The following RABGAP1L variants were observed in gnomAD, a reference collection of about 807,000 sequenced individuals.
RABGAP1L encodes rab GTPase-activating protein 1-like.
In RABGAP1L, 63 loss-of-function variants were observed where a neutral mutation model predicts 137.7. The ratio of observed to expected loss-of-function variants is 0.46; its 90% CI spans 0.37 to 0.56. The LOEUF is 0.56. RABGAP1L is among the 20% of genes least tolerant of loss of function. RABGAP1L has a pLI of 0.00. For missense variants in RABGAP1L, 1,095 were observed against 1,244.0 expected (o/e 0.88, Z 1.80); for synonymous variants, 431 against 433.7 (o/e 0.99, Z 0.08).
chr1:174,426,238 C>G (rs1651936580), intron 13 of RABGAP1L, among the ~76,000 whole-genome samples: 1 of 152,024 alleles, frequency 6.6e-6, no homozygotes, highest in Non-Finnish European at 1.5e-5. Flanking sequence ...TGACATTCAG[C>G]TTGGGCGGTA....
chr1:174,284,136 A>C (rs1448560573), intron 10 of RABGAP1L, among the ~76,000 whole-genome samples: 3 of 152,126 alleles, frequency 2.0e-5, no homozygotes, highest in Non-Finnish European at 4.4e-5. Context: ...CTTAAGATCT[A>C]CTACTGTCTT....
At chr1:174,907,355 C>A (rs374078802) in intron 19 of RABGAP1L, among the ~76,000 whole-genome samples, 1 of 152,106 alleles carries the variant, frequency 6.6e-6, no homozygotes, top group Non-Finnish European at 1.5e-5. Context: ...ATCTGTCACC[C>A]AGACTGGACT....
At chr1:174,679,206 C>A (rs1471933652) in intron 14 of RABGAP1L, among the ~76,000 whole-genome samples, 1 of 152,122 alleles carries the variant, frequency 6.6e-6, no homozygotes, top group African/African-American at 2.4e-5. Flanking sequence ...CTCTTTACTA[C>A]CTGATTGGTC....
chr1:174,174,093 T>G (rs1006365500), intron 1 of RABGAP1L, among the ~76,000 whole-genome samples: 5 of 151,850 alleles, frequency 3.3e-5, no homozygotes, highest in African/African-American at 1.2e-4. Flanking sequence ...TGTAGTAGAT[T>G]AAGGAGGAAT....
intron 14 of RABGAP1L, among the ~76,000 whole-genome samples, chr1:174,676,749 A>G (rs1677658059): frequency 1.3e-5 from 2 of 152,200 alleles, no homozygotes; most frequent in South Asian, 4.1e-4. Flanking sequence ...TGGTTTGATT[A>G]ATTGAACTGG....
In RABGAP1L at chr1:174,448,598, A is replaced by T. The variant is rs757604598; in HGVS notation, c.1710+54453A>T. 1 of 1,613,952 alleles carries T rather than the reference A, an allele frequency of 6.2e-7. No homozygotes were observed. The highest frequency in any genetic ancestry group is 1.1e-5 in the South Asian group (1 of 91,068). On this transcript the variant is annotated intron_variant, in intron 13 of 25. Transcript: ENST00000681986. This position sits in a 1 kb window ranked among gnomAD's most constrained non-coding sequence, Gnocchi z 4.2. Reference sequence around the variant, plus strand: ...CCCTTGTCGCTTGAGAATTTGCATTATTTTGATCTGGATCTACTCCTGCCT... The same window carrying T: ...CCCTTGTCGCTTGAGAATTTGCATTTTTTTGATCTGGATCTACTCCTGCCT...
rs185542627 is a variant in RABGAP1L, at chr1:174,622,620, C to T, written c.1711-14755C>T. On this transcript the variant is annotated intron_variant, in intron 13 of 25. Coordinates refer to ENST00000681986, the MANE Select transcript of RABGAP1L (RefSeq NM_001366446.1). ...GTCACAAGGACAGAAAACCAAACAC[C>T]GCATGTTCTCACTCATAGGTGGGAA... 9.3e-4 allele frequency among the ~76,000 whole-genome samples: 141 copies of T among 152,226 alleles called. 1 individual carries two copies. Among genetic ancestry groups the T allele is most frequent in the Admixed American group, 8.1e-3 (124 of 15,294 alleles).
intron 18 of RABGAP1L, among the ~76,000 whole-genome samples, chr1:174,756,656 A>T (rs1813136): frequency 2.0e-5 from 3 of 151,986 alleles, no homozygotes; most frequent in African/African-American, 4.8e-5. Flanking sequence ...GGAAAAAGGA[A>T]GGCGGAGGCA....
chr1:174,614,468 C>A (rs1671593164), intron 13 of RABGAP1L, among the ~76,000 whole-genome samples: 1 of 152,176 alleles, frequency 6.6e-6, no homozygotes, highest in Non-Finnish European at 1.5e-5. Flanking sequence ...GATGGGCTTC[C>A]CTTTGTGGGT....
intron 13 of RABGAP1L, among the ~76,000 whole-genome samples, chr1:174,511,154 A>G (rs1662294618): frequency 6.6e-6 from 1 of 152,216 alleles, no homozygotes; most frequent in East Asian, 1.9e-4. Flanking sequence ...ACATAGCTTC[A>G]GTTATGTGGA....
chr1:174,722,781 A>T (rs1681675413), intron 17 of RABGAP1L, among the ~76,000 whole-genome samples: 1 of 152,030 alleles, frequency 6.6e-6, no homozygotes, highest in Non-Finnish European at 1.5e-5. Flanking sequence ...GTAGTGATAA[A>T]TGGCTAGCAA....
At chr1:174,890,584 A>G (rs1418623852) in intron 19 of RABGAP1L, among the ~76,000 whole-genome samples, 7 of 152,232 alleles carry the variant, frequency 4.6e-5, no homozygotes, top group African/African-American at 1.7e-4. Flanking sequence ...CAGAATTTCA[A>G]CAAATATGAA....
chr1:174,406,359 T>C (rs1649281180), intron 13 of RABGAP1L, among the ~76,000 whole-genome samples: 1 of 152,220 alleles, frequency 6.6e-6, no homozygotes, highest in African/African-American at 2.4e-5. Flanking sequence ...ATGTGTTTAA[T>C]AGTTTTGAGG....
intron 19 of RABGAP1L, among the ~76,000 whole-genome samples, chr1:174,835,205 G>A (rs555636444): frequency 6.6e-6 from 1 of 152,256 alleles, no homozygotes; most frequent in African/African-American, 2.4e-5. Flanking sequence ...TTTCTGAGCT[G>A]AGGAAGTCAG....
At chr1:174,403,921 A>T (rs1157194844) in intron 13 of RABGAP1L, among the ~76,000 whole-genome samples, 1 of 152,072 alleles carries the variant, frequency 6.6e-6, no homozygotes, top group Non-Finnish European at 1.5e-5. Flanking sequence ...AGTAAAGTCA[A>T]ATTATATTCT....
chr1:174,667,074 T>G (rs993693289), intron 14 of RABGAP1L, among the ~76,000 whole-genome samples: 1 of 152,092 alleles, frequency 6.6e-6, no homozygotes, highest in Non-Finnish European at 1.5e-5. Flanking sequence ...CCAGAAATAT[T>G]AAGCCTATCA....
chr1:174,565,041 CAG>C (rs1667476720), intron 13 of RABGAP1L, among the ~76,000 whole-genome samples: 1 of 152,094 alleles, frequency 6.6e-6, no homozygotes, highest in African/African-American at 2.4e-5. Flanking sequence ...TTTAAAAGGA[CAG>C]AGAGCATTTG....
intron 19 of RABGAP1L, among the ~76,000 whole-genome samples, chr1:174,909,925 G>A (rs1290713110): frequency 6.6e-6 from 1 of 152,154 alleles, no homozygotes; most frequent in Non-Finnish European, 1.5e-5. Context: ...AGATCACGAG[G>A]TCAGGAGATC....
intron 13 of RABGAP1L, among the ~76,000 whole-genome samples, chr1:174,599,650 A>G (rs978112143): frequency 1.3e-4 from 19 of 151,882 alleles, no homozygotes; most frequent in African/African-American, 4.6e-4. Context: ...ATGTCATGCC[A>G]CTCTCCTGTT....
Sources: allele counts gnomAD v4.1 joint callset (sites outside exome capture counted in the v4.1 genomes callset), GRCh38; gene constraint gnomAD v4.1.1; non-coding constraint Gnocchi (gnomAD v3.1); transcripts MANE v1.5; gene names NCBI Gene and HGNC (gene_info 2026-07-23, HGNC 2026-07-21).